Variants in DNM3 observed in about 807,000 individuals in gnomAD.
DNM3 encodes the protein dynamin-3.
In DNM3, 47 loss-of-function variants were observed where a neutral mutation model predicts 101.6. That is an observed-to-expected ratio of 0.46 (90% CI 0.37 to 0.59). The LOEUF (loss-of-function observed/expected upper bound fraction) is 0.59. Ranked by LOEUF, DNM3 falls within the 20% of genes least tolerant of loss-of-function variation. The pLI is 0.00. For missense variants in DNM3, 849 were observed against 1,085.7 expected (o/e 0.78, Z 3.06); for synonymous variants, 385 against 387.9 (o/e 0.99, Z 0.09).
At chr1:172,254,263 C>A (rs10489290) in intron 15 of DNM3, among the ~76,000 whole-genome samples, 25,941 of 152,148 alleles carry the variant, frequency 0.17, 2,482 homozygotes, top group East Asian at 0.24. Flanking sequence ...ACCTTAAAGT[C>A]TTTCTTGTCC....
intron 14 of DNM3, among the ~76,000 whole-genome samples, chr1:172,170,406 C>A (rs1016760458): frequency 1.3e-5 from 2 of 151,632 alleles, no homozygotes; most frequent in African/African-American, 4.8e-5. Flanking sequence ...TGCACGGGGC[C>A]CACTCTGGAG....
At chr1:172,339,275 TG>T (rs1196453779) in intron 17 of DNM3, among the ~76,000 whole-genome samples, 1 of 152,250 alleles carries the variant, frequency 6.6e-6, no homozygotes, top group African/African-American at 2.4e-5. Context: ...ATGAAAATGC[TG>T]TTCTTGAAAA....
intron 10 of DNM3, among the ~76,000 whole-genome samples, chr1:172,050,013 A>G (rs2050095871): frequency 6.6e-6 from 1 of 152,086 alleles, no homozygotes. Context: ...CTTCCACCTC[A>G]TTTCCTAAAC....
intron 14 of DNM3, among the ~76,000 whole-genome samples, chr1:172,248,536 G>T (rs1335424774): frequency 6.6e-6 from 1 of 152,044 alleles, no homozygotes; most frequent in Non-Finnish European, 1.5e-5. Context: ...AAATTTGAGA[G>T]TTATAGAAGA....
intron 12 of DNM3, among the ~76,000 whole-genome samples, chr1:172,084,396 A>G (rs1321538738): frequency 6.6e-6 from 1 of 152,136 alleles, no homozygotes; most frequent in Non-Finnish European, 1.5e-5. Flanking sequence ...TGTAGTTATA[A>G]TGACTTAAGT....
At chr1:172,015,857 G>A (rs2047414631) in intron 4 of DNM3, among the ~76,000 whole-genome samples, 1 of 152,052 alleles carries the variant, frequency 6.6e-6, no homozygotes, top group Non-Finnish European at 1.5e-5. Context: ...GATGTCAGTG[G>A]GAAAGCTTTG....
intron 2 of DNM3, among the ~76,000 whole-genome samples, chr1:171,965,966 C>G (rs1445954967): frequency 6.6e-6 from 1 of 152,142 alleles, no homozygotes; most frequent in Non-Finnish European, 1.5e-5. Flanking sequence ...TTATGAATAA[C>G]AAACGATACT....
chr1:172,337,217 A>G (rs917936455), intron 17 of DNM3, among the ~76,000 whole-genome samples: 15 of 152,170 alleles, frequency 9.9e-5, no homozygotes, highest in Admixed American at 5.2e-4. Flanking sequence ...TTGCTGAGTT[A>G]TTTATGGCCT....
intron 14 of DNM3, among the ~76,000 whole-genome samples, chr1:172,177,374 A>T (rs2059190425): frequency 6.6e-6 from 1 of 151,836 alleles, no homozygotes; most frequent in African/African-American, 2.4e-5. Context: ...CTAATTTATA[A>T]ATTCGACTTT....
downstream of DNM3, among the ~76,000 whole-genome samples, chr1:172,417,381 C>T (rs1346821920): frequency 1.3e-5 from 2 of 152,180 alleles, no homozygotes; most frequent in African/African-American, 2.4e-5. Context: ...TGTATTTTCT[C>T]TAGCTGCAAA....
At chr1:172,392,611 T>C (rs1435416689) in intron 20 of DNM3, among the ~76,000 whole-genome samples, 2 of 152,222 alleles carry the variant, frequency 1.3e-5, no homozygotes, top group African/African-American at 4.8e-5. Context: ...ACGGAACAAA[T>C]TCACTGAATC....
intron 2 of DNM3, among the ~76,000 whole-genome samples, chr1:171,958,412 G>A (rs1465821205): frequency 1.3e-5 from 2 of 152,208 alleles, no homozygotes; most frequent in East Asian, 1.9e-4. Flanking sequence ...AGGCATCTGT[G>A]TGTTTGGGAG....
chr1:172,018,567 A>G (rs1172377598), intron 4 of DNM3, among the ~76,000 whole-genome samples: 1 of 152,128 alleles, frequency 6.6e-6, no homozygotes, highest in African/African-American at 2.4e-5. Flanking sequence ...CCCAATTACA[A>G]CCCCATTGTA....
At chr1:171,892,156 C>T (rs954736048) in intron 1 of DNM3, among the ~76,000 whole-genome samples, 4 of 149,362 alleles carry the variant, frequency 2.7e-5, no homozygotes, top group Admixed American at 6.7e-5. Flanking sequence ...GACATAGTCT[C>T]GTAATTGTGT....
intron 16 of DNM3, among the ~76,000 whole-genome samples, chr1:172,321,202 T>C (rs1440948044): frequency 1.3e-5 from 2 of 152,214 alleles, no homozygotes; most frequent in Non-Finnish European, 1.5e-5. Flanking sequence ...GGAGAAAAAG[T>C]CTCTGCGTTA....
chr1:171,979,189 C>T (rs888763420), intron 2 of DNM3, among the ~76,000 whole-genome samples: 5 of 152,228 alleles, frequency 3.3e-5, no homozygotes, highest in African/African-American at 7.2e-5. Context: ...GGAGGACAAT[C>T]GTGTCAGATG....
chr1:172,260,957 C>T (rs2062619098), intron 15 of DNM3, among the ~76,000 whole-genome samples: 1 of 150,306 alleles, frequency 6.7e-6, no homozygotes, highest in Admixed American at 6.7e-5. Context: ...CCTCTCCTTC[C>T]TTCCTTCCTT....
At chr1:171,961,070 A>G (rs1221134277) in intron 2 of DNM3, among the ~76,000 whole-genome samples, 1 of 152,138 alleles carries the variant, frequency 6.6e-6, no homozygotes, top group African/African-American at 2.4e-5. Context: ...GATTTGTATT[A>G]AAGATGCACT....
intron 15 of DNM3, among the ~76,000 whole-genome samples, chr1:172,307,577 A>T (rs566466184): frequency 1.3e-5 from 2 of 152,248 alleles, no homozygotes; most frequent in Non-Finnish European, 2.9e-5. Flanking sequence ...ACGCACACGT[A>T]TGTTTATTGC....
Sources: allele counts gnomAD v4.1 joint callset (sites outside exome capture counted in the v4.1 genomes callset), GRCh38; gene constraint gnomAD v4.1.1; transcripts MANE v1.5; gene names NCBI Gene and HGNC (gene_info 2026-07-23, HGNC 2026-07-21).